Variants in CAMK2G observed in about 807,000 individuals in gnomAD.
The protein encoded by CAMK2G is calcium/calmodulin-dependent protein kinase type II subunit gamma.
CAMK2G carries 23 observed loss-of-function variants against 88.7 expected under a neutral mutation model. The observed-to-expected ratio is 0.26, with a 90% confidence interval of 0.19 to 0.37. CAMK2G has a LOEUF of 0.37. CAMK2G is among the 10% of genes least tolerant of loss of function. CAMK2G has a pLI of 1.00. For missense variants in CAMK2G, 476 were observed against 780.8 expected, an observed-to-expected ratio of 0.61 and a Z score of 4.65; for synonymous variants, 263 against 294.8, an observed-to-expected ratio of 0.89 and a Z score of 1.11.
At chr10:73,836,050 T>G (rs1590301489) in intron 14 of CAMK2G, among the ~76,000 whole-genome samples, 1 of 152,082 alleles carries the variant, frequency 6.6e-6, no homozygotes, top group Non-Finnish European at 1.5e-5. Context: ...GCCAGGCTGG[T>G]CTTGAATTCC....
chr10:73,824,114 G>T, intron 16 of CAMK2G, 30 bp from the exon 17 acceptor site: 1 of 1,581,852 alleles, frequency 6.3e-7, no homozygotes, highest in Non-Finnish European at 8.7e-7. Context: ...TTACCCTTCC[G>T]ACTTGGGGAC....
chr10:73,816,383 C>T (rs2133083427), intron 21 of CAMK2G: 2 of 1,013,590 alleles, frequency 2.0e-6, no homozygotes, highest in Non-Finnish European at 2.4e-6. Flanking sequence ...GAGCTTAGTT[C>T]TTATGTGCTG....
At chr10:73,868,339 C>T (rs538226981) in intron 2 of CAMK2G, among the ~76,000 whole-genome samples, 39 of 152,232 alleles carry the variant, frequency 2.6e-4, no homozygotes, top group African/African-American at 8.2e-4. Context: ...CACCATGATG[C>T]AGCACCCCAA....
chr10:73,873,222 GACC>G (rs2095903135), intron 1 of CAMK2G, 139 bp from the exon 2 acceptor site: 1 of 976,160 alleles, frequency 1.0e-6, no homozygotes. Context: ...CCGGCGCTGT[GACC>G]ACCACCATCC....
chr10:73,834,674 A>C (rs911975517), intron 14 of CAMK2G, among the ~76,000 whole-genome samples: 4 of 152,160 alleles, frequency 2.6e-5, no homozygotes, highest in African/African-American at 9.7e-5. Flanking sequence ...CTTTGGATTC[A>C]TGAAAGTGTT....
At chr10:73,859,474 G>C (rs973218406) in intron 3 of CAMK2G, among the ~76,000 whole-genome samples, 7 of 152,316 alleles carry the variant, frequency 4.6e-5, no homozygotes, top group Middle Eastern at 3.4e-3. Context: ...CCTAATCTGT[G>C]ACTGCTGTTC....
At chr10:73,837,885 G>A (rs544452413) in intron 13 of CAMK2G, among the ~76,000 whole-genome samples, 1 of 152,348 alleles carries the variant, frequency 6.6e-6, no homozygotes, top group Middle Eastern at 3.4e-3. Context: ...AGGTGCCATG[G>A]AAGTTCTCTG....
intron 5 of CAMK2G, among the ~76,000 whole-genome samples, chr10:73,850,430 C>G (rs559671254): frequency 6.6e-6 from 1 of 152,240 alleles, no homozygotes; most frequent in Non-Finnish European, 1.5e-5. Flanking sequence ...CCGCCCCCCC[C>G]CACCGCAGGG....
At chr10:73,820,193 A>G (rs1413251744) in intron 18 of CAMK2G, among the ~76,000 whole-genome samples, 1 of 151,862 alleles carries the variant, frequency 6.6e-6, no homozygotes, top group Non-Finnish European at 1.5e-5. Context: ...AAGGTCACTT[A>G]CTGAATTCAG....
chr10:73,840,986 C>T (rs1165527939), intron 12 of CAMK2G, among the ~76,000 whole-genome samples: 2 of 152,200 alleles, frequency 1.3e-5, no homozygotes, highest in African/African-American at 4.8e-5. Flanking sequence ...GTATGCCCGT[C>T]GTGGGTACCC....
intron 9 of CAMK2G, 46 bp downstream of exon 9, chr10:73,847,942 G>A (rs762883571): frequency 1.8e-6 from 2 of 1,118,548 alleles, no homozygotes; most frequent in East Asian, 2.3e-5. Context: ...GAGGAGCAAG[G>A]ACATCTGCCC....
Position 73,847,893 on chromosome 10 carries a change from G to A in CAMK2G, c.696+95C>T, listed in dbSNP as rs999970282. 4.3e-5 allele frequency: 32 copies of A among 751,500 alleles called. No homozygotes were observed. In the East Asian group the frequency reaches 4.5e-4, roughly 10 times the overall value. 46.6% of individuals were successfully genotyped at this position (751,500 alleles called of 1,614,324 possible). Reference sequence around the variant, plus strand: ...AAGTCCCCTGACACCCCCGTATCACGTGACACACTAAACAAGCCTGCTCCC... The same window carrying A: ...AAGTCCCCTGACACCCCCGTATCACATGACACACTAAACAAGCCTGCTCCC... On this transcript the variant is annotated intron_variant, in intron 9 of 22. Transcript: ENST00000423381.
intron 15 of CAMK2G, among the ~76,000 whole-genome samples, chr10:73,827,011 C>T (rs2091159834): frequency 6.6e-6 from 1 of 152,182 alleles, no homozygotes; most frequent in South Asian, 2.1e-4. Flanking sequence ...CTCATTCCCA[C>T]CAAGAAGCAA....
In CAMK2G at chr10:73,864,895, C is replaced by T. The variant is rs1374694904; in HGVS notation, c.161-4006G>A. 4.6e-5 allele frequency among the ~76,000 whole-genome samples: 7 copies of T among 152,236 alleles called. No homozygotes were observed. In the South Asian group the frequency reaches 1.0e-3, roughly 23 times the overall value. ...TCCTGACCTTATGATCCGCCTGCCT[C>T]GGCCTCCCAAAGTGCTGGGATTACA... On this transcript the variant is annotated intron_variant, in intron 2 of 22. Coordinates refer to ENST00000423381, the MANE Select transcript of CAMK2G (RefSeq NM_001367534.1).
intron 4 of CAMK2G, chr10:73,852,671 G>C: frequency 3.3e-6 from 1 of 305,624 alleles, no homozygotes. Flanking sequence ...GCCCAGGAAG[G>C]ACAGAGCTAC....
chr10:73,857,936 A>G (rs1258151265), intron 3 of CAMK2G, among the ~76,000 whole-genome samples: 1 of 152,242 alleles, frequency 6.6e-6, no homozygotes, highest in African/African-American at 2.4e-5. Flanking sequence ...CGGAAAGTAC[A>G]GGGTGTTCCC....
intron 19 of CAMK2G, chr10:73,818,509 C>T (rs147001377): frequency 5.5e-6 from 2 of 362,288 alleles, no homozygotes; most frequent in Non-Finnish European, 1.1e-5. Flanking sequence ...CCTTTCCTCA[C>T]AGGAGCAAAA....
intron 2 of CAMK2G, among the ~76,000 whole-genome samples, chr10:73,864,736 A>G (rs1485593684): frequency 6.6e-6 from 1 of 151,974 alleles, no homozygotes; most frequent in Admixed American, 6.6e-5. Flanking sequence ...TCCGCCTCCC[A>G]GGTTCACGCC....
chr10:73,866,517 C>A (rs944808110), intron 2 of CAMK2G, among the ~76,000 whole-genome samples: 1 of 152,130 alleles, frequency 6.6e-6, no homozygotes, highest in African/African-American at 2.4e-5. Context: ...CCTGCTGCCA[C>A]GTAAACATAC....
Sources: allele counts gnomAD v4.1 joint callset (sites outside exome capture counted in the v4.1 genomes callset), GRCh38; gene constraint gnomAD v4.1.1; transcripts MANE v1.5; gene names NCBI Gene and HGNC (gene_info 2026-07-23, HGNC 2026-07-21).